The following TMPRSS7 variants were observed in gnomAD, a reference collection of about 807,000 sequenced individuals.
The protein encoded by TMPRSS7 is transmembrane serine protease 7.
In TMPRSS7, 81 loss-of-function variants were observed where a neutral mutation model predicts 95.6. That is an observed-to-expected ratio of 0.85 (90% CI 0.71 to 1.02). TMPRSS7 has a LOEUF of 1.02. Ranked by LOEUF, TMPRSS7 falls within the 50% of genes least tolerant of loss-of-function variation. The probability of loss-of-function intolerance (pLI) is 0.00; values close to 1 mark genes in which losing one functional copy is unlikely to be tolerated. For missense variants in TMPRSS7, 945 were observed against 955.2 expected (o/e 0.99, Z 0.14); for synonymous variants, 364 against 337.8 (o/e 1.08, Z -0.85).
chr3:112,052,062 A>G (rs2073367203), intron 9 of TMPRSS7, among the ~76,000 whole-genome samples: 1 of 152,136 alleles, frequency 6.6e-6, no homozygotes, highest in Admixed American at 6.5e-5. Context: ...GGGGAAGGCA[A>G]GTAATAAACA....
intron 1 of TMPRSS7, among the ~76,000 whole-genome samples, chr3:112,036,497 G>T (rs1348243457): frequency 2.0e-5 from 3 of 151,954 alleles, no homozygotes; most frequent in Non-Finnish European, 2.9e-5. Context: ...GAACCCATGA[G>T]GCAGAGGTTG....
At chr3:112,080,549 AC>A (rs2073765920) in intron 17 of TMPRSS7, among the ~76,000 whole-genome samples, 1 of 106,728 alleles carries the variant, frequency 9.4e-6, no homozygotes, top group Non-Finnish European at 2.0e-5. Context: ...TACTACTACC[AC>A]CACTACTACT....
intron 9 of TMPRSS7, among the ~76,000 whole-genome samples, chr3:112,052,875 A>G (rs1576106455): frequency 6.6e-6 from 1 of 152,156 alleles, no homozygotes; most frequent in South Asian, 2.1e-4. Flanking sequence ...GAAAAAGAAT[A>G]TTGGATCATT....
At chr3:112,050,673 T>G (rs1211032626) in exon 9 of TMPRSS7, 1 of 1,581,184 alleles carries the variant, frequency 6.3e-7, no homozygotes, top group Admixed American at 1.8e-5. Flanking sequence ...TTTTCCAGAG[T>G]GTGAAAACAC....
At chr3:112,073,452 C>A (rs2073675753) in intron 13 of TMPRSS7, among the ~76,000 whole-genome samples, 1 of 152,078 alleles carries the variant, frequency 6.6e-6, no homozygotes, top group Non-Finnish European at 1.5e-5. Flanking sequence ...GAGACGGTAT[C>A]TCATTGTGGT....
chr3:112,075,791 G>A (rs1004648351), intron 15 of TMPRSS7, among the ~76,000 whole-genome samples: 2 of 152,174 alleles, frequency 1.3e-5, no homozygotes, highest in African/African-American at 4.8e-5. Flanking sequence ...GGAGAAAAAT[G>A]GGCACTGGAG....
intron 9 of TMPRSS7, among the ~76,000 whole-genome samples, chr3:112,052,376 T>A (rs2073375672): frequency 6.6e-6 from 1 of 151,914 alleles, no homozygotes; most frequent in Non-Finnish European, 1.5e-5. Context: ...TTTTTTTTTG[T>A]GCATAGTCAT....
intron 13 of TMPRSS7, among the ~76,000 whole-genome samples, chr3:112,067,715 A>G (rs779081203): frequency 6.6e-6 from 1 of 152,150 alleles, no homozygotes; most frequent in Non-Finnish European, 1.5e-5. Context: ...AGTTCTTTGT[A>G]GATTCTGGAG....
intron 7 of TMPRSS7, 46 bp downstream of exon 7, chr3:112,048,013 A>C: frequency 6.4e-7 from 1 of 1,554,402 alleles, no homozygotes; most frequent in Non-Finnish European, 8.8e-7. Context: ...ATTTTTCACA[A>C]CCTCTGTTTT....
intron 12 of TMPRSS7, among the ~76,000 whole-genome samples, chr3:112,065,628 A>C (rs2073567403): frequency 6.6e-6 from 1 of 152,196 alleles, no homozygotes; most frequent in Non-Finnish European, 1.5e-5. Context: ...GGACCTAATG[A>C]ACAATTTTAG....
At chr3:112,072,588 AG>A (rs1307007575) in intron 13 of TMPRSS7, among the ~76,000 whole-genome samples, 1 of 152,262 alleles carries the variant, frequency 6.6e-6, no homozygotes, top group Non-Finnish European at 1.5e-5. Flanking sequence ...TGGAGTCTAT[AG>A]GGGCAGTAGG....
chr3:112,063,775 C>T (rs55765202), intron 12 of TMPRSS7, 143 bp downstream of exon 12: 10,385 of 700,882 alleles, frequency 0.015, 370 homozygotes, highest in African/African-American at 0.088. Context: ...GTGACTTAAA[C>T]AATCATTTAT....
At chr3:112,075,445 C>T (rs1481467165) in exon 15 of TMPRSS7, 2 of 1,540,770 alleles carry the variant, frequency 1.3e-6, no homozygotes, top group East Asian at 5.1e-5. Context: ...CCTCAGTCAT[C>T]TCCAGGGAGT....
Position 112,069,035 on chromosome 3 carries a change from G to A in TMPRSS7, c.1666+2533G>A, listed in dbSNP as rs985976116. ...TCATTGATAGTTTTTAGCATGAAGGGCTGTTGAATTTTGTCAAAGGCCTTT... is the reference window on the plus strand; with the variant it reads ...TCATTGATAGTTTTTAGCATGAAGGACTGTTGAATTTTGTCAAAGGCCTTT... On this transcript the variant is annotated intron_variant, in intron 13 of 17. Coordinates refer to ENST00000452346, the Ensembl canonical transcript of TMPRSS7. 6.6e-5 allele frequency among the ~76,000 whole-genome samples: 10 copies of A among 152,138 alleles called. 1 individual carries two copies. The East Asian group carries it at 1.2e-3, about 18-fold the overall frequency.
Position 112,075,199 on chromosome 3 carries a change from T to C in TMPRSS7, c.1784-122T>C, listed in dbSNP as rs570058183. On this transcript the variant is annotated intron_variant, in intron 14 of 17. Coordinates refer to ENST00000452346, the Ensembl canonical transcript of TMPRSS7. ...ACAGACTCACATGTTCTCTGTCCTC[T>C]AGATAAGGAGATTTCAAATTGCTAC... is the stretch of plus-strand genomic sequence containing the variant. The C allele has an allele frequency of 2.1e-5, 20 of 970,286 alleles. No individual in the cohort carries two copies. In the East Asian group the frequency reaches 3.6e-4, roughly 18 times the overall value. The allele number at this position is 970,286 out of a possible 1,614,324, so 60.1% of individuals were successfully genotyped here.
At chr3:112,065,764 G>A (rs1454310122) in intron 12 of TMPRSS7, among the ~76,000 whole-genome samples, 1 of 152,160 alleles carries the variant, frequency 6.6e-6, no homozygotes, top group Non-Finnish European at 1.5e-5. Flanking sequence ...AAATTTGCTT[G>A]CTTGTACTTG....
At chr3:112,051,910 TG>T (rs2073365166) in intron 9 of TMPRSS7, among the ~76,000 whole-genome samples, 2 of 152,130 alleles carry the variant, frequency 1.3e-5, no homozygotes, top group African/African-American at 4.8e-5. Context: ...GCAAGCAGTA[TG>T]TTGTTTGCGT....
Position 112,074,522 on chromosome 3 carries a change from C to T in TMPRSS7, c.1783+110C>T, listed in dbSNP as rs2073690028. The T allele has an allele frequency of 1.2e-5, 9 of 735,004 alleles. No individual in the cohort carries two copies. In the East Asian group the frequency reaches 2.5e-4, roughly 20 times the overall value. The allele number at this position is 735,004 out of a possible 1,614,324, so 45.5% of individuals were successfully genotyped here. A position where few individuals can be genotyped will look rare whatever the true frequency, so the allele number is the denominator to read the frequency against. The stretch of plus-strand genomic sequence containing the variant: ...TTTCCCTTGATCGAGGTTGCCATAG[C>T]CAAAACAAGAATAGTAACTATTGAC... On this transcript the variant is annotated intron_variant, in intron 14 of 17. Transcript: ENST00000452346.
chr3:112,049,181 C>A (rs1033674570), intron 7 of TMPRSS7, among the ~76,000 whole-genome samples: 1 of 152,184 alleles, frequency 6.6e-6, no homozygotes, highest in Non-Finnish European at 1.5e-5. Flanking sequence ...ATGGGCCAAA[C>A]CCTTCATCGA....
Sources: gnomAD v4.1 joint callset for allele counts (sites outside exome capture counted in the v4.1 genomes callset) on GRCh38, gnomAD v4.1.1 for gene constraint, MANE v1.5 for transcripts, NCBI Gene and HGNC (gene_info 2026-07-23, HGNC 2026-07-21) for gene names.